The following XKR7 variants were observed in gnomAD, a reference collection of about 807,000 sequenced individuals.
XKR7 encodes the protein XK-related protein 7.
XKR7 carries 11 observed loss-of-function variants against 42.2 expected under a neutral mutation model. The observed-to-expected ratio is 0.26, with a 90% CI of 0.16 to 0.43. XKR7 has a LOEUF of 0.43. Ranked by LOEUF, XKR7 falls within the 20% of genes least tolerant of loss-of-function variation. The pLI is 1.00. For synonymous variants in XKR7, 346 were observed against 366.4 expected, an observed-to-expected ratio of 0.94 and a Z score of 0.64; for missense variants, 710 against 802.2, an observed-to-expected ratio of 0.89 and a Z score of 1.39.
intron 1 of XKR7, among the ~76,000 whole-genome samples, chr20:31,982,630 G>C (rs1325943029): frequency 2.0e-5 from 3 of 152,088 alleles, no homozygotes; most frequent in Non-Finnish European, 2.9e-5. Context: ...AACCTCACAG[G>C]ACCACAGTGA....
chr20:31,994,578 T>C (rs2064582667), intron 1 of XKR7, among the ~76,000 whole-genome samples: 1 of 152,128 alleles, frequency 6.6e-6, no homozygotes, highest in Admixed American at 6.5e-5. Context: ...TAGTGGTACA[T>C]GCCTGCAGTC....
chr20:31,979,149 A>G (rs2064499655), intron 1 of XKR7, among the ~76,000 whole-genome samples: 1 of 148,066 alleles, frequency 6.8e-6, no homozygotes, highest in East Asian at 1.9e-4. Flanking sequence ...AAAAAAAAAA[A>G]TTGTTAAAAT....
intron 1 of XKR7, among the ~76,000 whole-genome samples, chr20:31,989,209 G>A (rs2064557056): frequency 6.6e-6 from 1 of 152,120 alleles, no homozygotes; most frequent in Non-Finnish European, 1.5e-5. Context: ...TCTGGGAAAG[G>A]GGTATTCCAG....
chr20:31,983,430 C>T (rs1171930854), intron 1 of XKR7, among the ~76,000 whole-genome samples: 1 of 152,208 alleles, frequency 6.6e-6, no homozygotes, highest in Non-Finnish European at 1.5e-5. Flanking sequence ...GCTGGGAAAG[C>T]TCTCTGAAGA....
Position 31,968,848 on chromosome 20 carries a change from C to T in XKR7, c.584+89C>T, listed in dbSNP as rs950056764. 2.1e-6 allele frequency: 3 copies of T among 1,426,780 alleles called. No homozygotes were observed. The Admixed American group carries it at 8.7e-5, about 41-fold the overall frequency. 88.4% of individuals were successfully genotyped at this position (1,426,780 alleles called of 1,614,324 possible). On this transcript the variant is annotated intron_variant, in intron 1 of 2. Coordinates refer to ENST00000562532, the MANE Select transcript of XKR7 (RefSeq NM_001011718.2). The surrounding 1 kb of genome is among the most constrained non-coding windows in gnomAD (Gnocchi z 4.5). ...CGTCCCAGCCCTGATCTGACCTTTC[C>T]GGGCTACCCTCCTGTCCTGACCTCC...
rs1484142377 is a variant in XKR7, at chr20:31,997,266, C to A, written c.1549C>A (p.Arg517=). Residue 517 remains arginine, a synonymous_variant, in exon 3 of 3, where the codon CGG becomes AGG. Transcript: ENST00000562532. ...LPPTPVARTL[R]TEGPVIRIDL... ...TCCCACACCAGTGGCCCGCACCTTG[C>A]GGACAGAGGGGCCTGTCATCCGGAT... 6.2e-7 allele frequency: 1 copy of A among 1,612,054 alleles called. No individual in the cohort carries two copies. The highest frequency in any genetic ancestry group is 8.5e-7 in the Non-Finnish European group (1 of 1,180,002).
chr20:31,995,012 C>T lies in XKR7; in HGVS notation c.585-56C>T. On this transcript the variant is annotated intron_variant, in intron 1 of 2. Transcript: ENST00000562532. This position sits in a 1 kb window ranked among gnomAD's most constrained non-coding sequence, Gnocchi z 4.1. ...GCCTGTGGGCGGCTCGGGGCTGGTG[C>T]GACAGAGCGAGAGGAACCAGCGCGC... The T allele has an allele frequency of 6.5e-7, 1 of 1,534,952 alleles. No homozygotes were observed. Among genetic ancestry groups the T allele is most frequent in the Non-Finnish European group, 8.7e-7 (1 of 1,144,534 alleles).
chr20:31,981,461 A>G (rs2064512682), intron 1 of XKR7, among the ~76,000 whole-genome samples: 1 of 152,074 alleles, frequency 6.6e-6, no homozygotes, highest in African/African-American at 2.4e-5. Flanking sequence ...GGAGGCTGAG[A>G]TGGGTGGATC....
rs1017156505 is a variant in XKR7, at chr20:31,977,497, A to G, written c.584+8738A>G. On this transcript the variant is annotated intron_variant, in intron 1 of 2. Coordinates refer to ENST00000562532, the MANE Select transcript of XKR7 (RefSeq NM_001011718.2). Reference sequence around the variant, plus strand: ...TCTCATCTGTGAAATGGGGATAGTGATAGTATCCACATCTTAAGGTTTTTA... The same window carrying G: ...TCTCATCTGTGAAATGGGGATAGTGGTAGTATCCACATCTTAAGGTTTTTA... 7.9e-5 allele frequency among the ~76,000 whole-genome samples: 12 copies of G among 152,174 alleles called. No individual in the cohort carries two copies. In the East Asian group the frequency reaches 2.3e-3, roughly 29 times the overall value.
intron 1 of XKR7, among the ~76,000 whole-genome samples, chr20:31,985,465 C>G (rs891092954): frequency 2.6e-5 from 4 of 151,678 alleles, no homozygotes; most frequent in Admixed American, 1.3e-4. Context: ...GGGAGGATGG[C>G]CAGAAAACTG....
rs763501560 is a variant in XKR7, at chr20:31,968,297, G to T, written c.122G>T (p.Gly41Val). Reference protein sequence around the residue: ...GEAAAAAGPPGVVGAGGPGPR... With the variant: ...GEAAAAAGPPVVVGAGGPGPR... ...GCGGCGGCGGCGGCCGGGCCCCCGG[G>T]GGTCGTCGGGGCGGGCGGCCCGGGG... is the stretch of plus-strand genomic sequence containing the variant. Residue 41 changes from glycine to valine, a missense_variant, in exon 1 of 3, where the codon GGG becomes GTG. By Grantham distance (109) the Gly-to-Val change is moderately radical (BLOSUM62 -3). This residue lies in a region of XKR7 where 708 missense variants were observed against 786.2 expected (regional missense o/e 0.90). Coordinates refer to ENST00000562532, the MANE Select transcript of XKR7 (RefSeq NM_001011718.2). This position sits in a 1 kb window ranked among gnomAD's most constrained non-coding sequence, Gnocchi z 4.5. 3.6e-5 allele frequency: 45 copies of T among 1,243,682 alleles called. No homozygotes were observed. In the African/African-American group the frequency reaches 6.5e-4, roughly 18 times the overall value. The allele number at this position is 1,243,682 out of a possible 1,614,324, so 77.0% of individuals were successfully genotyped here.
At position 31,996,696 on chromosome 20, in the gene XKR7, T is replaced by C; in HGVS notation, c.979T>C (p.Tyr327His). The C allele has an allele frequency of 6.2e-7, 1 of 1,610,972 alleles. No individual in the cohort carries two copies. The highest frequency in any genetic ancestry group is 8.5e-7 in the Non-Finnish European group (1 of 1,178,190). The change falls in exon 3 of 3, where the codon TAT becomes CAT. Residue 327 changes from tyrosine (Y) to histidine (H), a missense_variant. Tyr to His is a moderately conservative substitution (Grantham distance 83). Coordinates refer to ENST00000562532, the MANE Select transcript of XKR7 (RefSeq NM_001011718.2). ...GCTCTTCGCCAGCGTCTACAAGCTC[T>C]ATTTTGGCATCTTCATCGTGGCCCA... ...FALFASVYKLYFGIFIVAHWC... is the reference protein window; with the variant it reads ...FALFASVYKLHFGIFIVAHWC...
chr20:31,997,345 G>C lies in XKR7; in HGVS notation c.1628G>C (p.Arg543Pro). 1 of 1,606,236 alleles carries C rather than the reference G, an allele frequency of 6.2e-7. No homozygotes were observed. Among genetic ancestry groups the C allele is most frequent in the Non-Finnish European group, 8.5e-7 (1 of 1,179,966 alleles). ...PAWDAHFIDR[R>P]LRKTILALEY... ...TGGGATGCTCATTTTATTGACCGCC[G>C]GCTCCGGAAGACCATCCTGGCACTG... Residue 543 changes from arginine (R) to proline (P), a missense_variant, in exon 3 of 3, where the codon CGG becomes CCG. Physicochemically the swap from Arg to Pro is moderately radical, Grantham distance 103 (BLOSUM62 -2). Around this residue, in one of 2 missense-constraint regions of XKR7, gnomAD observed 708 missense variants for 786.2 expected, o/e 0.90. Coordinates refer to ENST00000562532, the MANE Select transcript of XKR7 (RefSeq NM_001011718.2).
chr20:31,996,104 G>C (rs74840119), intron 2 of XKR7, among the ~76,000 whole-genome samples: 12,370 of 151,082 alleles, frequency 0.082, 593 homozygotes, highest in African/African-American at 0.11. Context: ...GACTTCTAAT[G>C]GCCCCCTCCT....
At chr20:31,973,724 T>C (rs2064473920) in intron 1 of XKR7, among the ~76,000 whole-genome samples, 1 of 151,960 alleles carries the variant, frequency 6.6e-6, no homozygotes, top group South Asian at 2.1e-4. Context: ...GGGGAGCATG[T>C]TTGGAGATGC....
chr20:31,968,520 C>T lies in XKR7; in HGVS notation c.345C>T (p.Asp115=). ...TGAGCTTCCGCTGGTTCGTCTACGA[C>T]TACTCGGAGCCCGCAGGGTCCCCGG... ...QLLSFRWFVY[D]YSEPAGSPGP... The change falls in exon 1 of 3, where the codon GAC becomes GAT. Residue 115 remains aspartate (D), a synonymous_variant. Coordinates refer to ENST00000562532, the MANE Select transcript of XKR7 (RefSeq NM_001011718.2). The surrounding 1 kb of genome is among the most constrained non-coding windows in gnomAD (Gnocchi z 4.5). 6.2e-7 allele frequency: 1 copy of T among 1,610,968 alleles called. No homozygotes were observed. The highest frequency in any genetic ancestry group is 8.5e-7 in the Non-Finnish European group (1 of 1,178,708).
chr20:31,978,655 A>G (rs2064496738), intron 1 of XKR7, among the ~76,000 whole-genome samples: 1 of 152,372 alleles, frequency 6.6e-6, no homozygotes, highest in Admixed American at 6.5e-5. Context: ...TGACTGAGGA[A>G]CTAAATTTTA....
intron 1 of XKR7, among the ~76,000 whole-genome samples, chr20:31,971,820 G>C (rs1277723771): frequency 2.6e-5 from 4 of 152,176 alleles, no homozygotes; most frequent in African/African-American, 9.7e-5. Context: ...TAAGATACAA[G>C]GGGTGTCAGA....
At chr20:31,996,264 G>C (rs990590587) in intron 2 of XKR7, among the ~76,000 whole-genome samples, 1 of 149,024 alleles carries the variant, frequency 6.7e-6, no homozygotes, top group Admixed American at 6.7e-5. Context: ...CCCCATCTTC[G>C]TCTCCCTTTA....
Sources: allele counts gnomAD v4.1 joint callset (sites outside exome capture counted in the v4.1 genomes callset), GRCh38; gene constraint gnomAD v4.1.1; regional missense constraint gnomAD v4.1.1; non-coding constraint Gnocchi (gnomAD v3.1); transcripts MANE v1.5; gene names NCBI Gene and HGNC (gene_info 2026-07-23, HGNC 2026-07-21).